The following CYFIP1 variants were observed in gnomAD, a reference collection of about 807,000 sequenced individuals.
The protein encoded by CYFIP1 is cytoplasmic FMR1-interacting protein 1.
In CYFIP1, 58 loss-of-function variants were observed where a neutral mutation model predicts 163.5. That is an observed-to-expected ratio of 0.35 (90% CI 0.29 to 0.44). The LOEUF (loss-of-function observed/expected upper bound fraction) is 0.44. CYFIP1 is among the 20% of genes least tolerant of loss of function. The pLI, the probability that CYFIP1 is intolerant of heterozygous loss-of-function variation, is 1.00. For synonymous variants in CYFIP1, 663 were observed against 660.7 expected, an observed-to-expected ratio of 1.00 and a Z score of -0.05; for missense variants, 1,338 against 1,653.8, an observed-to-expected ratio of 0.81 and a Z score of 3.31.
chr15:22,932,811 A>G (rs1595641348), intron 10 of CYFIP1, among the ~76,000 whole-genome samples: 2 of 152,138 alleles, frequency 1.3e-5, no homozygotes, highest in African/African-American at 4.8e-5. Context: ...TGCAGATGTC[A>G]CATCTGACAC....
At position 22,935,680 on chromosome 15, in the gene CYFIP1, C is replaced by T. The variant is rs113824928; in HGVS notation, c.900+1424G>A. Reference sequence around the variant, plus strand: ...AGCGTATAAAGTTTCAATTCCGCAGCATAGTTAAGTTCTGAAGACCTCATC... The same window carrying T: ...AGCGTATAAAGTTTCAATTCCGCAGTATAGTTAAGTTCTGAAGACCTCATC... On this transcript the variant is annotated intron_variant, in intron 9 of 30. Coordinates refer to ENST00000617928, the MANE Select transcript of CYFIP1 (RefSeq NM_014608.6). Among the ~76,000 whole-genome samples the T allele has an allele frequency of 6.2e-3, 947 of 152,194 alleles. 12 individuals are homozygous for T. Among genetic ancestry groups the T allele is most frequent in the Non-Finnish European group, 9.0e-3 (610 of 68,020 alleles).
intron 1 of CYFIP1, among the ~76,000 whole-genome samples, chr15:22,962,624 G>A (rs895252036): frequency 2.0e-5 from 3 of 151,248 alleles, no homozygotes; most frequent in Admixed American, 6.6e-5. Context: ...AGCTGGTCTC[G>A]AACTCCCGAC....
intron 10 of CYFIP1, 95 bp downstream of exon 10, chr15:22,933,703 TAACA>T: frequency 1.2e-6 from 1 of 818,686 alleles, no homozygotes; most frequent in African/African-American, 1.7e-5. Flanking sequence ...CTGAGAATGT[TAACA>T]GTGTTATCTC....
chr15:22,967,149 C>T (rs1169897136), intron 1 of CYFIP1, among the ~76,000 whole-genome samples: 2 of 152,192 alleles, frequency 1.3e-5, no homozygotes, highest in African/African-American at 2.4e-5. Flanking sequence ...TCGGTTGGGA[C>T]ACGGGACAAG....
Position 22,892,001 on chromosome 15 carries a change from A to G in CYFIP1, c.2676+889T>C, listed in dbSNP as rs190589409. On this transcript the variant is annotated intron_variant, in intron 23 of 30. Coordinates refer to ENST00000617928, the MANE Select transcript of CYFIP1 (RefSeq NM_014608.6). ...GTCCCCGCTTCCTACAAGCGAGGACACTTAAATACTGATGAGTGCTGGCAG... is the reference window on the plus strand; with the variant it reads ...GTCCCCGCTTCCTACAAGCGAGGACGCTTAAATACTGATGAGTGCTGGCAG... Among the ~76,000 whole-genome samples the G allele has an allele frequency of 1.9e-3, 289 of 152,298 alleles. 1 individual carries two copies. Among genetic ancestry groups the G allele is most frequent in the African/African-American group, 6.0e-3 (249 of 41,566 alleles).
chr15:22,884,689 G>A (rs12101566), intron 23 of CYFIP1, among the ~76,000 whole-genome samples: 118,679 of 152,014 alleles, frequency 0.78, 46,656 homozygotes, highest in East Asian at 0.93. Flanking sequence ...TTCCAGTGGG[G>A]ACTCTGTGTG....
chr15:22,964,293 C>T (rs1290198635), intron 1 of CYFIP1, among the ~76,000 whole-genome samples: 1 of 116,876 alleles, frequency 8.6e-6, no homozygotes, highest in Non-Finnish European at 1.9e-5. Flanking sequence ...CACACACACA[C>T]ACACACACAC....
intron 1 of CYFIP1, among the ~76,000 whole-genome samples, chr15:22,964,868 A>T (rs984248077): frequency 6.6e-6 from 1 of 151,914 alleles, no homozygotes; most frequent in African/African-American, 2.4e-5. Context: ...CCCTCATTCT[A>T]CTCTCTGCTT....
intron 18 of CYFIP1, among the ~76,000 whole-genome samples, chr15:22,911,274 G>A (rs541178854): frequency 2.0e-5 from 3 of 152,270 alleles, no homozygotes; most frequent in African/African-American, 7.2e-5. Flanking sequence ...CTACCACACT[G>A]CCACAGAAAA....
In CYFIP1 at chr15:22,886,751, T is replaced by G. The variant is rs146976940; in HGVS notation, c.2677-3740A>C. On this transcript the variant is annotated intron_variant, in intron 23 of 30. Transcript: ENST00000617928. The stretch of plus-strand genomic sequence containing the variant: ...CATGGGAATCTGAAAAACGTATATA[T>G]TCTGCTGTTGTGGGGTAGAGGAACC... Among the ~76,000 whole-genome samples the G allele has an allele frequency of 1.1e-3, 168 of 152,298 alleles. 2 individuals are homozygous for G. The East Asian group carries it at 0.024, about 22-fold the overall frequency.
Position 22,912,288 on chromosome 15 carries a change from G to A in CYFIP1, c.1986-13C>T. On this transcript the variant is annotated splice_polypyrimidine_tract_variant and intron_variant, in intron 17 of 30. Coordinates refer to ENST00000617928, the MANE Select transcript of CYFIP1 (RefSeq NM_014608.6). ...GTAGAGCACGTACCTGCAGAGGACA[G>A]CAGCAGTGTGACCAGCAGCCTCTGC... The A allele has an allele frequency of 6.3e-7, 1 of 1,595,250 alleles. No homozygotes were observed. The highest frequency in any genetic ancestry group is 8.6e-7 in the Non-Finnish European group (1 of 1,168,946).
At chr15:22,908,514 ATTTCTTTTT>A (rs1566955018) in intron 21 of CYFIP1, among the ~76,000 whole-genome samples, 2 of 95,112 alleles carry the variant, frequency 2.1e-5, no homozygotes, top group Non-Finnish European at 4.1e-5. Flanking sequence ...TAAAGAAGAT[ATTTCTTTTT>A]TTTTTTTTTT....
At chr15:22,925,562 G>A (rs1488755932) in intron 13 of CYFIP1, among the ~76,000 whole-genome samples, 3 of 152,188 alleles carry the variant, frequency 2.0e-5, no homozygotes, top group African/African-American at 4.8e-5. Context: ...TTCTCAAACA[G>A]CACAGGAAAA....
chr15:22,963,736 A>T (rs745308088), intron 1 of CYFIP1, among the ~76,000 whole-genome samples: 12 of 152,080 alleles, frequency 7.9e-5, no homozygotes, highest in Non-Finnish European at 1.3e-4. Context: ...CCATCTCACC[A>T]GCCAGAGCAC....
chr15:22,945,169 G>A (rs1217989126), intron 3 of CYFIP1, among the ~76,000 whole-genome samples: 1 of 152,140 alleles, frequency 6.6e-6, no homozygotes, highest in Non-Finnish European at 1.5e-5. Flanking sequence ...TCAGTGACAC[G>A]CAGGCATCTC....
At chr15:22,886,329 G>A (rs868431849) in intron 23 of CYFIP1, among the ~76,000 whole-genome samples, 8 of 152,246 alleles carry the variant, frequency 5.3e-5, no homozygotes, top group Middle Eastern at 6.8e-3. Context: ...CTAAGGACAC[G>A]GGTGCAGATA....
chr15:22,964,662 T>G (rs1035317010), intron 1 of CYFIP1, among the ~76,000 whole-genome samples: 2 of 152,112 alleles, frequency 1.3e-5, no homozygotes, highest in Admixed American at 6.6e-5. Context: ...TCAATCACCT[T>G]CAACACCAGC....
chr15:22,935,330 C>T lies in CYFIP1; in HGVS notation c.901-1437G>A, dbSNP rs1793501760. On this transcript the variant is annotated intron_variant, in intron 9 of 30. Transcript: ENST00000617928. The stretch of plus-strand genomic sequence containing the variant: ...CTTAGCAGCACTGCAGAACAATGGG[C>T]TTTGCAATAAATGGGCAGGCCCAAC... Among the ~76,000 whole-genome samples, 5 of 152,302 alleles carry T rather than the reference C, an allele frequency of 3.3e-5. No individual in the cohort carries two copies. The South Asian group carries it at 1.0e-3, about 32-fold the overall frequency.
At position 22,884,362 on chromosome 15, in the gene CYFIP1, C is replaced by T. The variant is rs374391372; in HGVS notation, c.2677-1351G>A. ...AGGCATTGGATAAATGCTCCCATTG[C>T]AAATGGGAGAGACTGGCCAAAACAA... On this transcript the variant is annotated intron_variant, in intron 23 of 30. Transcript: ENST00000617928. Among the ~76,000 whole-genome samples, 24 of 152,300 alleles carry T rather than the reference C, an allele frequency of 1.6e-4. No individual in the cohort carries two copies. In the South Asian group the frequency reaches 5.0e-3, roughly 32 times the overall value.
Sources: allele counts gnomAD v4.1 joint callset (sites outside exome capture counted in the v4.1 genomes callset), GRCh38; gene constraint gnomAD v4.1.1; transcripts MANE v1.5; gene names NCBI Gene and HGNC (gene_info 2026-07-23, HGNC 2026-07-21).